The following GRIK4 variants were observed in gnomAD, a reference collection of about 807,000 sequenced individuals.
GRIK4 encodes the protein glutamate receptor ionotropic, kainate 4.
A neutral mutation model predicts 104.9 loss-of-function variants in GRIK4; 40 were observed. That is an observed-to-expected ratio of 0.38 (90% CI 0.30 to 0.50). The LOEUF (loss-of-function observed/expected upper bound fraction) is 0.50, where lower values mean the gene tolerates loss of function less well. Among genes scored for constraint, GRIK4 ranks in the 20% least tolerant of loss-of-function variants. The probability of loss-of-function intolerance (pLI) is 0.93; values close to 1 mark genes in which losing one functional copy is unlikely to be tolerated. For missense variants in GRIK4, 1,047 were observed against 1,308.1 expected (o/e 0.80, Z 3.08); for synonymous variants, 485 against 524.9 (o/e 0.92, Z 1.04).
intron 16 of GRIK4, among the ~76,000 whole-genome samples, 183 bp from the exon 17 acceptor site, chr11:120,960,726 C>T (rs1424853802): frequency 6.6e-6 from 1 of 152,256 alleles, no homozygotes; most frequent in Admixed American, 6.5e-5. Flanking sequence ...GCAGTGCTCA[C>T]AAACGCGATT....
At chr11:120,516,877 G>T (rs933454569) in intron 1 of GRIK4, among the ~76,000 whole-genome samples, 2 of 152,132 alleles carry the variant, frequency 1.3e-5, no homozygotes, top group East Asian at 3.9e-4. Context: ...CGCTGTGCCT[G>T]AGGAGGAGCC....
At chr11:120,690,714 C>T (rs536641911) in intron 3 of GRIK4, among the ~76,000 whole-genome samples, 10 of 152,348 alleles carry the variant, frequency 6.6e-5, no homozygotes, top group African/African-American at 2.4e-4. Context: ...GATGACTTTG[C>T]ACCAACAGCC....
intron 1 of GRIK4, among the ~76,000 whole-genome samples, chr11:120,640,093 C>T (rs538270773): frequency 5.3e-5 from 8 of 152,242 alleles, no homozygotes; most frequent in African/African-American, 1.9e-4. Context: ...GTTCTTGGAC[C>T]TCATGCAAGA....
At chr11:120,808,801 G>C (rs965679486) in intron 4 of GRIK4, among the ~76,000 whole-genome samples, 2 of 152,200 alleles carry the variant, frequency 1.3e-5, no homozygotes, top group African/African-American at 4.8e-5. Flanking sequence ...CTCAGAGGGA[G>C]ACTGCACCCT....
intron 1 of GRIK4, among the ~76,000 whole-genome samples, chr11:120,579,602 G>A (rs556439195): frequency 6.6e-6 from 1 of 152,316 alleles, no homozygotes; most frequent in African/African-American, 2.4e-5. Context: ...TATTTTGACA[G>A]CTTATAAAGG....
intron 8 of GRIK4, among the ~76,000 whole-genome samples, chr11:120,852,653 C>G (rs1954000229): frequency 6.6e-6 from 1 of 152,222 alleles, no homozygotes; most frequent in African/African-American, 2.4e-5. Context: ...CCAGCTGCTA[C>G]TGTCTTCAAA....
intron 1 of GRIK4, among the ~76,000 whole-genome samples, chr11:120,557,043 C>G (rs775771351): frequency 6.6e-6 from 1 of 152,190 alleles, no homozygotes; most frequent in Non-Finnish European, 1.5e-5. Flanking sequence ...GCACCGACCT[C>G]TGACTCCTGC....
chr11:120,767,256 G>A (rs1951855781), intron 3 of GRIK4, among the ~76,000 whole-genome samples: 1 of 152,164 alleles, frequency 6.6e-6, no homozygotes. Flanking sequence ...TTACAATTGT[G>A]AAGTGAAATC....
At chr11:120,534,286 G>A (rs1947950023) in intron 1 of GRIK4, among the ~76,000 whole-genome samples, 1 of 152,194 alleles carries the variant, frequency 6.6e-6, no homozygotes. Flanking sequence ...GCAGAAGAAG[G>A]TGACGGATTC....
At chr11:120,931,762 T>TTGA (rs1262628834) in intron 13 of GRIK4, among the ~76,000 whole-genome samples, 2 of 152,204 alleles carry the variant, frequency 1.3e-5, no homozygotes, top group Non-Finnish European at 2.9e-5. Flanking sequence ...GTTAGCTGTA[T>TTGA]TGATATTACA....
intron 3 of GRIK4, among the ~76,000 whole-genome samples, chr11:120,719,045 A>G (rs892226538): frequency 6.6e-6 from 1 of 152,168 alleles, no homozygotes; most frequent in African/African-American, 2.4e-5. Context: ...TTTTAGATAC[A>G]CATTTACTCT....
intron 14 of GRIK4, among the ~76,000 whole-genome samples, chr11:120,946,505 A>T (rs1943864300): frequency 6.6e-6 from 1 of 152,222 alleles, no homozygotes; most frequent in Admixed American, 6.5e-5. Flanking sequence ...GCAACACCCC[A>T]TCTCTTAAAA....
At chr11:120,607,001 G>T (rs1257202313) in intron 1 of GRIK4, among the ~76,000 whole-genome samples, 1 of 152,194 alleles carries the variant, frequency 6.6e-6, no homozygotes, top group African/African-American at 2.4e-5. Flanking sequence ...GGGCTTAGAA[G>T]CCACAAAGGT....
chr11:120,807,925 G>C (rs1330758167), intron 4 of GRIK4, among the ~76,000 whole-genome samples: 1 of 152,176 alleles, frequency 6.6e-6, no homozygotes, highest in Non-Finnish European at 1.5e-5. Flanking sequence ...CAGAGAACGT[G>C]CCAATGAGTG....
In GRIK4 at chr11:120,660,359, G is replaced by T; in HGVS notation, c.41G>T (p.Trp14Leu). The T allele has an allele frequency of 6.2e-7, 1 of 1,613,400 alleles. No homozygotes were observed. ...VSAPLVLLPA[W>L]LVMVACSPHS... ...GCGCCTTTGGTGCTGCTTCCTGCGT[G>T]GCTCGTGATGGTCGCCTGCAGCCCG... The change falls in exon 3 of 21, where the codon TGG becomes TTG. Residue 14 changes from tryptophan (W) to leucine (L), a missense_variant. By Grantham distance (61) the Trp-to-Leu change is moderately conservative. Transcript: ENST00000527524.
intron 1 of GRIK4, among the ~76,000 whole-genome samples, chr11:120,633,235 T>TG (rs1949353034): frequency 1.3e-5 from 2 of 152,210 alleles, no homozygotes; most frequent in East Asian, 1.9e-4. Context: ...ATTATCATTT[T>TG]GGGCATATTT....
At position 120,988,099 on chromosome 11, in the gene GRIK4, C is replaced by T. The variant is rs146773578; in HGVS notation, c.*1839C>T. 1 of 152,234 alleles carries T rather than the reference C, an allele frequency of 6.6e-6. No homozygotes were observed. Among genetic ancestry groups the T allele is most frequent in the East Asian group, 1.9e-4 (1 of 5,198 alleles). The allele number at this position is 152,234 out of a possible 1,614,324, so 9.4% of individuals were successfully genotyped here. A position where few individuals can be genotyped will look rare whatever the true frequency, so the allele number is the denominator to read the frequency against. ...CAGGACAATCAGTTAGGGCTGCCGT[C>T]CTGGGGGCCAAATGGTACCCTGATT... On this transcript the variant is annotated 3_prime_UTR_variant, in exon 21 of 21. Coordinates refer to ENST00000527524, the MANE Select transcript of GRIK4 (RefSeq NM_014619.5).
At chr11:120,853,409 C>G (rs1954020523) in intron 8 of GRIK4, among the ~76,000 whole-genome samples, 1 of 152,102 alleles carries the variant, frequency 6.6e-6, no homozygotes. Context: ...GGAGGAGAAA[C>G]CAATGAGTCC....
intron 3 of GRIK4, among the ~76,000 whole-genome samples, chr11:120,719,163 A>T (rs113948783): frequency 1.1e-4 from 16 of 152,318 alleles, no homozygotes; most frequent in African/African-American, 3.8e-4. Context: ...GAGATCTCAC[A>T]TTCTTCTGCA....
Sources: gnomAD v4.1 joint callset for allele counts (sites outside exome capture counted in the v4.1 genomes callset) on GRCh38, gnomAD v4.1.1 for gene constraint, MANE v1.5 for transcripts, NCBI Gene and HGNC (gene_info 2026-07-23, HGNC 2026-07-21) for gene names.